Variants in LRRC4C observed in about 807,000 individuals in gnomAD.
LRRC4C encodes the protein leucine-rich repeat-containing protein 4C.
Under a neutral mutation model 33.6 loss-of-function variants are expected in LRRC4C, and 5 were observed. The observed-to-expected ratio is 0.15, with a 90% CI of 0.08 to 0.31. LRRC4C has a LOEUF of 0.31. LRRC4C is among the 10% of genes least tolerant of loss of function. The pLI is 1.00. For missense variants in LRRC4C, 560 were observed against 796.7 expected, an observed-to-expected ratio of 0.70 and a Z score of 3.58; for synonymous variants, 329 against 302.0, an observed-to-expected ratio of 1.09 and a Z score of -0.93.
At chr11:41,098,169 C>T (rs1277034544) in intron 1 of LRRC4C, among the ~76,000 whole-genome samples, 8 of 152,046 alleles carry the variant, frequency 5.3e-5, no homozygotes, top group African/African-American at 1.4e-4. Flanking sequence ...TTACTTCCCC[C>T]AAACTCCAAG....
chr11:41,182,110 T>A (rs1331084397), intron 1 of LRRC4C, among the ~76,000 whole-genome samples: 1 of 152,206 alleles, frequency 6.6e-6, no homozygotes, highest in African/African-American at 2.4e-5. Flanking sequence ...ATGGTCATGT[T>A]GGAAATACTT....
Position 40,365,163 on chromosome 11 carries a change from G to T in LRRC4C, c.-269-45442C>A, listed in dbSNP as rs572060084. On this transcript the variant is annotated intron_variant, in intron 3 of 6. Transcript: ENST00000528697. Reference sequence around the variant, plus strand: ...GGCAAAGATATGGGGAAACTTAAAAGATTTTTAGAAACATTCCATAAGATT... The same window carrying T: ...GGCAAAGATATGGGGAAACTTAAAATATTTTTAGAAACATTCCATAAGATT... 3.6e-4 allele frequency among the ~76,000 whole-genome samples: 54 copies of T among 150,656 alleles called. 1 individual carries two copies. Among genetic ancestry groups the T allele is most frequent in the African/African-American group, 1.3e-3 (53 of 41,168 alleles).
chr11:41,268,869 GA>G lies in LRRC4C; in HGVS notation c.-496+190561del, dbSNP rs140636630. On this transcript the variant is annotated intron_variant, in intron 1 of 6. Coordinates refer to ENST00000528697, the MANE Select transcript of LRRC4C (RefSeq NM_001258419.2). ...TTTGATAGAATCATAGATAGCTAAA[GA>G]AAAAAAAAACACAGAAAAAGACAAA... is the stretch of plus-strand genomic sequence containing the variant. Among the ~76,000 whole-genome samples, 485 of 143,044 alleles carry G rather than the reference GA, an allele frequency of 3.4e-3. 3 individuals are homozygous for G. The highest frequency in any genetic ancestry group is 0.011 in the African/African-American group (425 of 39,090). The allele number at this position is 143,044 out of a possible 152,430, so 93.8% of individuals were successfully genotyped here. A position where few individuals can be genotyped will look rare whatever the true frequency, so the allele number is the denominator to read the frequency against.
In LRRC4C at chr11:40,114,481, G is replaced by A. The variant is rs780248079; in HGVS notation, c.1812C>T (p.Pro604=). The A allele has an allele frequency of 3.7e-6, 6 of 1,614,164 alleles. No homozygotes were observed. The highest frequency in any genetic ancestry group is 5.1e-6 in the Non-Finnish European group (6 of 1,180,022). Residue 604 remains proline (P), a synonymous_variant, in exon 7 of 7, where the codon CCC becomes CCT. Coordinates refer to ENST00000528697, the MANE Select transcript of LRRC4C (RefSeq NM_001258419.2). ...HLNHYNSYKS[P]FNHTTTVNTI... is the part of the protein sequence containing the mutation. ...TGTTAACTGTTGTTGTGTGGTTGAA[G>A]GGAGATTTGTATGAGTTATAGTGAT...
At chr11:41,208,345 G>C (rs1946682784) in intron 1 of LRRC4C, among the ~76,000 whole-genome samples, 1 of 152,238 alleles carries the variant, frequency 6.6e-6, no homozygotes, top group South Asian at 2.1e-4. Flanking sequence ...AGAGCGGAAA[G>C]AGATAGATTG....
At chr11:41,146,784 G>A (rs11036254) in intron 1 of LRRC4C, among the ~76,000 whole-genome samples, 5,660 of 152,260 alleles carry the variant, frequency 0.037, 131 homozygotes, top group East Asian at 0.07. Flanking sequence ...AAAATACATA[G>A]CCAGGCATTA....
intron 3 of LRRC4C, among the ~76,000 whole-genome samples, chr11:40,397,175 C>T: frequency 6.6e-6 from 1 of 152,012 alleles, no homozygotes; most frequent in East Asian, 1.9e-4. Context: ...ATCCCCTACC[C>T]AATCTCTGGA....
intron 3 of LRRC4C, among the ~76,000 whole-genome samples, chr11:40,350,974 A>C (rs554136879): frequency 5.9e-5 from 9 of 152,144 alleles, no homozygotes; most frequent in Non-Finnish European, 1.3e-4. Flanking sequence ...TAGTTTTAAC[A>C]GTTTTTTTGA....
chr11:40,201,028 T>TGC (rs576174294), intron 5 of LRRC4C, among the ~76,000 whole-genome samples: 402 of 152,172 alleles, frequency 2.6e-3, no homozygotes, highest in African/African-American at 9.3e-3. Flanking sequence ...CGGAATGTAG[T>TGC]GTGTGTGTTT....
intron 2 of LRRC4C, among the ~76,000 whole-genome samples, chr11:40,824,433 A>G (rs1206712862): frequency 6.6e-6 from 1 of 151,856 alleles, no homozygotes; most frequent in Admixed American, 6.6e-5. Flanking sequence ...ATTCTTTCCT[A>G]AATAGAGTTT....
chr11:41,091,436 A>G (rs1417380392), intron 1 of LRRC4C, among the ~76,000 whole-genome samples: 1 of 152,044 alleles, frequency 6.6e-6, no homozygotes, highest in East Asian at 1.9e-4. Flanking sequence ...TGACACCAGC[A>G]GACAAGGAGT....
Position 40,846,001 on chromosome 11 carries a change from C to A in LRRC4C, c.-407+87634G>T, listed in dbSNP as rs1450383448. Among the ~76,000 whole-genome samples the A allele has an allele frequency of 2.8e-5, 4 of 144,580 alleles. No individual in the cohort carries two copies. The East Asian group carries it at 6.3e-4, about 23-fold the overall frequency. The allele number at this position is 144,580 out of a possible 152,430, so 94.9% of individuals were successfully genotyped here. A position where few individuals can be genotyped will look rare whatever the true frequency, so the allele number is the denominator to read the frequency against. On this transcript the variant is annotated intron_variant, in intron 2 of 6. Coordinates refer to ENST00000528697, the MANE Select transcript of LRRC4C (RefSeq NM_001258419.2). The stretch of plus-strand genomic sequence containing the variant: ...TCTTTTGAGAAACGTCTGTTCAGAT[C>A]CTTCACCCACTTTCTGATGTTTTTT...
intron 3 of LRRC4C, among the ~76,000 whole-genome samples, chr11:40,389,985 G>A (rs1029761769): frequency 6.6e-6 from 1 of 152,054 alleles, no homozygotes; most frequent in African/African-American, 2.4e-5. Flanking sequence ...CTAACTCAGG[G>A]CCATTATATT....
chr11:40,527,147 T>C (rs536549049), intron 3 of LRRC4C, among the ~76,000 whole-genome samples: 5 of 152,270 alleles, frequency 3.3e-5, no homozygotes, highest in African/African-American at 9.6e-5. Context: ...AGTAGACAGA[T>C]AGGACATTTC....
chr11:40,144,720 A>G (rs1428042889), intron 5 of LRRC4C, among the ~76,000 whole-genome samples: 2 of 152,236 alleles, frequency 1.3e-5, no homozygotes, highest in Non-Finnish European at 2.9e-5. Flanking sequence ...AAGTATAAGA[A>G]AGTTAAATAA....
intron 5 of LRRC4C, among the ~76,000 whole-genome samples, chr11:40,214,837 C>A (rs1312222265): frequency 2.6e-5 from 4 of 152,116 alleles, no homozygotes; most frequent in African/African-American, 9.7e-5. Flanking sequence ...TTTTCTTTGC[C>A]CTTTTTTTCC....
At position 40,665,322 on chromosome 11, in the gene LRRC4C, AAAAATATATATATATATATAT is replaced by A. The variant is rs1218940308; in HGVS notation, c.-406-17065_-406-17045del. On this transcript the variant is annotated intron_variant, in intron 2 of 6. Coordinates refer to ENST00000528697, the MANE Select transcript of LRRC4C (RefSeq NM_001258419.2). ...CATTGCTTTCTTAAAAAAAAAAAAA[AAAAATATATATATATATATAT>A]ATATATATATATATATATATGTATA... is the stretch of plus-strand genomic sequence containing the variant. 2.5e-4 allele frequency among the ~76,000 whole-genome samples: 3 copies of A among 12,024 alleles called. No homozygotes were observed. In the South Asian group the frequency reaches 6.5e-3, roughly 26 times the overall value. 7.9% of individuals were successfully genotyped at this position (12,024 alleles called of 152,430 possible). A position where few individuals can be genotyped will look rare whatever the true frequency, so the allele number is the denominator to read the frequency against.
intron 3 of LRRC4C, among the ~76,000 whole-genome samples, chr11:40,584,650 G>A (rs1298251803): frequency 1.3e-5 from 2 of 152,096 alleles, no homozygotes; most frequent in Admixed American, 6.5e-5. Flanking sequence ...TGAAAGAAGA[G>A]GCCTGGCGCA....
At chr11:41,421,465 C>A (rs1003126994) in intron 1 of LRRC4C, among the ~76,000 whole-genome samples, 4 of 152,096 alleles carry the variant, frequency 2.6e-5, no homozygotes, top group African/African-American at 9.6e-5. Context: ...TTTTCTCAAA[C>A]CTTCTGATAA....
Sources: gnomAD v4.1 joint callset for allele counts (sites outside exome capture counted in the v4.1 genomes callset) on GRCh38, gnomAD v4.1.1 for gene constraint, MANE v1.5 for transcripts, NCBI Gene and HGNC (gene_info 2026-07-23, HGNC 2026-07-21) for gene names.